CHST9: variants seen among roughly 807,000 people sequenced by gnomAD.
CHST9 encodes GalNAc-4-sulfotransferase 2.
Under a neutral mutation model 44.4 loss-of-function variants are expected in CHST9, and 41 were observed. That is an observed-to-expected ratio of 0.92 (90% CI 0.72 to 1.20). The LOEUF is 1.20. CHST9 is among the 50% of genes most tolerant of loss of function. CHST9 has a pLI of 0.00. For synonymous variants in CHST9, 171 were observed against 178.4 expected (o/e 0.96, Z 0.33); for missense variants, 504 against 516.5 (o/e 0.98, Z 0.23).
chr18:27,033,161 G>A (rs2057358176), intron 3 of CHST9, among the ~76,000 whole-genome samples: 1 of 152,106 alleles, frequency 6.6e-6, no homozygotes, highest in Non-Finnish European at 1.5e-5. Flanking sequence ...GGCAGCTGTT[G>A]GGCAGTGAGT....
At chr18:27,002,931 C>T (rs919760318) in intron 4 of CHST9, among the ~76,000 whole-genome samples, 10 of 152,004 alleles carry the variant, frequency 6.6e-5, no homozygotes, top group African/African-American at 1.9e-4. Context: ...AAATCTTTTA[C>T]TAAGTTAAAA....
intron 2 of CHST9, among the ~76,000 whole-genome samples, chr18:27,089,967 C>G (rs546008065): frequency 1.3e-5 from 2 of 152,066 alleles, no homozygotes; most frequent in African/African-American, 4.8e-5. Context: ...CCCACCACCA[C>G]GCCCGGCTAA....
In CHST9 at chr18:27,114,931, C is replaced by T. The variant is rs533621200; in HGVS notation, c.121+27758G>A. ...TGAACTGTAATCCCCATAATCCCCACGTGTCAAGGATGGAACCAGATGGAG... is the reference window on the plus strand; with the variant it reads ...TGAACTGTAATCCCCATAATCCCCATGTGTCAAGGATGGAACCAGATGGAG... On this transcript the variant is annotated intron_variant, in intron 2 of 5. Transcript: ENST00000618847. 2.0e-5 allele frequency among the ~76,000 whole-genome samples: 3 copies of T among 152,240 alleles called. No homozygotes were observed. In the East Asian group the frequency reaches 5.8e-4, roughly 29 times the overall value.
At chr18:27,132,524 T>G (rs2058480636) in intron 2 of CHST9, among the ~76,000 whole-genome samples, 2 of 152,176 alleles carry the variant, frequency 1.3e-5, no homozygotes, top group Admixed American at 1.3e-4. Context: ...CAGCAAAGAC[T>G]TACTGAGCAT....
At chr18:27,055,664 A>AGT (rs2057646294) in intron 2 of CHST9, among the ~76,000 whole-genome samples, 1 of 152,222 alleles carries the variant, frequency 6.6e-6, no homozygotes. Context: ...TTTCAAAATT[A>AGT]GTGCTGTCTT....
At chr18:27,153,643 C>T (rs894490424) in intron 1 of CHST9, among the ~76,000 whole-genome samples, 8 of 151,110 alleles carry the variant, frequency 5.3e-5, no homozygotes, top group Non-Finnish European at 1.2e-4. Context: ...GATTTAGGGC[C>T]CATCCAGCTA....
intron 3 of CHST9, among the ~76,000 whole-genome samples, chr18:27,024,863 A>G (rs2057266968): frequency 6.6e-6 from 1 of 152,104 alleles, no homozygotes. Flanking sequence ...TACCAAGGGC[A>G]TCTTTCTGCC....
At chr18:27,127,928 A>G (rs1484084607) in intron 2 of CHST9, among the ~76,000 whole-genome samples, 1 of 152,140 alleles carries the variant, frequency 6.6e-6, no homozygotes, top group African/African-American at 2.4e-5. Flanking sequence ...TTCTGTGACG[A>G]CAGAGGAGAG....
intron 2 of CHST9, among the ~76,000 whole-genome samples, chr18:27,051,411 C>T (rs1428444847): frequency 6.6e-6 from 1 of 152,108 alleles, no homozygotes; most frequent in African/African-American, 2.4e-5. Context: ...AAAGCAGGAC[C>T]CCATCTCAAA....
chr18:26,955,944 T>C, intron 4 of CHST9, among the ~76,000 whole-genome samples: 1 of 152,116 alleles, frequency 6.6e-6, no homozygotes. Context: ...TATAGCCATT[T>C]AAATATGAGA....
At chr18:27,161,988 G>A (rs2058751031) in intron 1 of CHST9, among the ~76,000 whole-genome samples, 1 of 151,226 alleles carries the variant, frequency 6.6e-6, no homozygotes, top group Non-Finnish European at 1.5e-5. Context: ...CCTTTATTTT[G>A]AGCCTATGTG....
rs57437876 is a variant in CHST9 at position 27,014,453 on chromosome 18, C to CAA, written c.202+9661_202+9662dup. On this transcript the variant is annotated intron_variant, in intron 4 of 5. Coordinates refer to ENST00000618847, the MANE Select transcript of CHST9 (RefSeq NM_031422.6). Reference sequence around the variant, plus strand: ...TGGGCGACAGAGCGAGACTCTGTCTCAAAAAAAAAAAAAAAAAAAAAAAAA... The same window carrying CAA: ...TGGGCGACAGAGCGAGACTCTGTCTCAAAAAAAAAAAAAAAAAAAAAAAAAAA... Among the ~76,000 whole-genome samples, 137 of 39,432 alleles carry CAA rather than the reference C, an allele frequency of 3.5e-3. 20 individuals carry two copies. The highest frequency in any genetic ancestry group is 4.5e-3 in the Non-Finnish European group (108 of 24,024). 25.9% of individuals were successfully genotyped at this position (39,432 alleles called of 152,430 possible). A position where few individuals can be genotyped will look rare whatever the true frequency, so the allele number is the denominator to read the frequency against.
intron 4 of CHST9, among the ~76,000 whole-genome samples, chr18:26,975,664 T>TAA (rs1555673313): frequency 6.9e-6 from 1 of 144,208 alleles, no homozygotes; most frequent in South Asian, 2.2e-4. Context: ...TATATATATA[T>TAA]ATATAAATAT....
intron 1 of CHST9, among the ~76,000 whole-genome samples, chr18:27,154,837 C>A (rs1265090115): frequency 6.6e-6 from 1 of 151,926 alleles, no homozygotes; most frequent in Admixed American, 6.6e-5. Flanking sequence ...AATCCCAGCA[C>A]TTTGGGAGGC....
intron 2 of CHST9, among the ~76,000 whole-genome samples, chr18:27,057,928 A>G (rs2057676555): frequency 6.6e-6 from 1 of 152,246 alleles, no homozygotes. Context: ...CTACCCGACA[A>G]GCACGTAATT....
intron 2 of CHST9, among the ~76,000 whole-genome samples, chr18:27,116,239 A>G (rs896947336): frequency 6.6e-6 from 1 of 152,164 alleles, no homozygotes; most frequent in Non-Finnish European, 1.5e-5. Context: ...TTTTCTCCTA[A>G]GAGTTTTATA....
intron 4 of CHST9, among the ~76,000 whole-genome samples, chr18:26,982,960 T>C (rs1370949593): frequency 6.6e-6 from 1 of 152,116 alleles, no homozygotes; most frequent in African/African-American, 2.4e-5. Flanking sequence ...TACAAAGTGA[T>C]GTGACAAGAA....
intron 2 of CHST9, among the ~76,000 whole-genome samples, chr18:27,136,379 C>T (rs1025914322): frequency 6.6e-6 from 1 of 152,148 alleles, no homozygotes; most frequent in Non-Finnish European, 1.5e-5. Context: ...CACGGAGTGT[C>T]ATTCTGCACC....
At chr18:27,158,261 C>G (rs564016029) in intron 1 of CHST9, among the ~76,000 whole-genome samples, 2 of 151,896 alleles carry the variant, frequency 1.3e-5, no homozygotes, top group East Asian at 1.9e-4. Flanking sequence ...CCCTTCCCCC[C>G]ACCCCACAAC....
Sources: allele counts gnomAD v4.1 joint callset (sites outside exome capture counted in the v4.1 genomes callset), GRCh38; gene constraint gnomAD v4.1.1; transcripts MANE v1.5; gene names NCBI Gene and HGNC (gene_info 2026-07-23, HGNC 2026-07-21).